The following MAD1L1 variants were observed in gnomAD, a reference collection of about 807,000 sequenced individuals.
MAD1L1 encodes the protein mitotic spindle assembly checkpoint protein MAD1.
In MAD1L1, 95 loss-of-function variants were observed where a neutral mutation model predicts 96.9. The observed-to-expected ratio is 0.98, with a 90% CI of 0.83 to 1.16. MAD1L1 has a LOEUF of 1.16. Among genes scored for constraint, MAD1L1 ranks in the 50% most tolerant of loss-of-function variants. The pLI is 0.00. For missense variants in MAD1L1, 1,007 were observed against 954.4 expected (o/e 1.06, Z -0.73); for synonymous variants, 473 against 396.6 (o/e 1.19, Z -2.29).
rs1787553358 is a variant in MAD1L1, at chr7:2,114,430, C to A, written c.1073+34722G>T. Among the ~76,000 whole-genome samples, 1 of 152,206 alleles carries A rather than the reference C, an allele frequency of 6.6e-6. No individual in the cohort carries two copies. Among genetic ancestry groups the A allele is most frequent in the African/African-American group, 2.4e-5 (1 of 41,450 alleles). On this transcript the variant is annotated intron_variant, in intron 11 of 18. Coordinates refer to ENST00000265854, the MANE Select transcript of MAD1L1 (RefSeq NM_001013836.2). The surrounding 1 kb of genome is among the most constrained non-coding windows in gnomAD (Gnocchi z 4.2). The stretch of plus-strand genomic sequence containing the variant: ...GAGGACGCCATCCTCCTTAAGGCCA[C>A]AAAGTGTATGGTCCTAGGGCATCTT...
intron 16 of MAD1L1, among the ~76,000 whole-genome samples, chr7:1,939,918 T>C (rs1185307126): frequency 6.6e-6 from 1 of 152,312 alleles, no homozygotes; most frequent in Non-Finnish European, 1.5e-5. Context: ...GAGCCCAGAA[T>C]GTGCCTCCAA....
At chr7:2,029,624 G>C (rs886650552) in intron 12 of MAD1L1, among the ~76,000 whole-genome samples, 1 of 152,076 alleles carries the variant, frequency 6.6e-6, no homozygotes, top group Admixed American at 6.5e-5. Flanking sequence ...GGCTGTGGTT[G>C]TAAGTCCCAT....
intron 16 of MAD1L1, among the ~76,000 whole-genome samples, chr7:1,942,226 C>G (rs1220132958): frequency 6.6e-6 from 1 of 152,316 alleles, no homozygotes; most frequent in East Asian, 1.9e-4. Context: ...CACAGAGGAG[C>G]CTCCTGGGCC....
intron 12 of MAD1L1, among the ~76,000 whole-genome samples, chr7:2,015,435 G>C (rs1782492627): frequency 6.6e-6 from 1 of 152,210 alleles, no homozygotes; most frequent in African/African-American, 2.4e-5. Flanking sequence ...CCCCTGCTCA[G>C]TTGTGTCCTG....
rs73671913 is a variant in MAD1L1 at position 1,922,910 on chromosome 7, T to C, written c.1807+13777A>G. On this transcript the variant is annotated intron_variant, in intron 17 of 18. Coordinates refer to ENST00000265854, the MANE Select transcript of MAD1L1 (RefSeq NM_001013836.2). Reference sequence around the variant, plus strand: ...CCTTTTGGCGAGCTGACGCGATGGATTGTACCAGCTGACGCTCGACACCAA... The same window carrying C: ...CCTTTTGGCGAGCTGACGCGATGGACTGTACCAGCTGACGCTCGACACCAA... Among the ~76,000 whole-genome samples, 587 of 152,340 alleles carry C rather than the reference T, an allele frequency of 3.9e-3. 8 individuals carry two copies. Among genetic ancestry groups the C allele is most frequent in the African/African-American group, 0.013 (532 of 41,568 alleles).
At chr7:2,093,082 A>AT (rs559345338) in intron 11 of MAD1L1, among the ~76,000 whole-genome samples, 75 of 151,830 alleles carry the variant, frequency 4.9e-4, no homozygotes, top group African/African-American at 1.1e-3. Flanking sequence ...CAAAAAAAAA[A>AT]ATATATACAA....
chr7:2,155,070 G>A (rs1789759561), intron 10 of MAD1L1, among the ~76,000 whole-genome samples: 2 of 152,194 alleles, frequency 1.3e-5, no homozygotes, highest in African/African-American at 4.8e-5. Context: ...CAGCACGGGA[G>A]CCGGAGAGCC....
At chr7:2,048,608 G>A (rs1784036481) in intron 12 of MAD1L1, among the ~76,000 whole-genome samples, 1 of 152,206 alleles carries the variant, frequency 6.6e-6, no homozygotes, top group Non-Finnish European at 1.5e-5. Context: ...AGGCAGGTGG[G>A]TCAGCCAGGA....
intron 16 of MAD1L1, among the ~76,000 whole-genome samples, chr7:1,941,634 A>G (rs1394619826): frequency 6.6e-6 from 1 of 152,170 alleles, no homozygotes; most frequent in African/African-American, 2.4e-5. Flanking sequence ...CGCATGCACC[A>G]CCAGGTCCTG....
intron 9 of MAD1L1, among the ~76,000 whole-genome samples, chr7:2,214,472 G>A (rs774242282): frequency 6.6e-5 from 10 of 152,106 alleles, no homozygotes; most frequent in Non-Finnish European, 8.8e-5. Flanking sequence ...GGACAGAGAC[G>A]CCACGCCACC....
At chr7:2,200,251 C>G (rs1338366025) in intron 10 of MAD1L1, 3 of 152,514 alleles carry the variant, frequency 2.0e-5, no homozygotes, top group Non-Finnish European at 2.9e-5. Context: ...AGGGTGGACA[C>G]TTGCGTTCAC....
At chr7:2,208,508 T>C (rs1792715096) in intron 10 of MAD1L1, among the ~76,000 whole-genome samples, 1 of 152,162 alleles carries the variant, frequency 6.6e-6, no homozygotes, top group Non-Finnish European at 1.5e-5. Flanking sequence ...GTCCACCTTG[T>C]ATTATATCAG....
At chr7:1,980,331 C>T (rs1780837105) in intron 15 of MAD1L1, 122 bp downstream of exon 15, 3 of 788,360 alleles carry the variant, frequency 3.8e-6, no homozygotes, top group Non-Finnish European at 4.1e-6. Context: ...GTATCCGCCT[C>T]CTCCCCCACA....
chr7:1,889,459 C>T (rs1484623600), intron 18 of MAD1L1, among the ~76,000 whole-genome samples: 1 of 152,234 alleles, frequency 6.6e-6, no homozygotes, highest in African/African-American at 2.4e-5. Context: ...GGACCCTAGG[C>T]CAGGCCCAGC....
intron 11 of MAD1L1, among the ~76,000 whole-genome samples, chr7:2,124,263 G>A (rs989837293): frequency 3.9e-5 from 6 of 152,192 alleles, no homozygotes; most frequent in Non-Finnish European, 8.8e-5. Flanking sequence ...ACCCAGACAG[G>A]CCTCTTCCAA....
intron 18 of MAD1L1, among the ~76,000 whole-genome samples, chr7:1,894,544 C>T (rs1165452223): frequency 3.3e-5 from 5 of 152,242 alleles, no homozygotes; most frequent in Non-Finnish European, 7.3e-5. Flanking sequence ...GCCACAGTTA[C>T]TTCTACTCCA....
chr7:1,914,645 A>C (rs996355954), intron 17 of MAD1L1, among the ~76,000 whole-genome samples: 1 of 152,142 alleles, frequency 6.6e-6, no homozygotes, highest in African/African-American at 2.4e-5. Context: ...ACGAGGTCTC[A>C]CTATGTTGCC....
chr7:1,913,694 G>A (rs1427356213), intron 17 of MAD1L1, among the ~76,000 whole-genome samples: 2 of 152,094 alleles, frequency 1.3e-5, no homozygotes, highest in Non-Finnish European at 2.9e-5. Flanking sequence ...AGCCCCCAGT[G>A]GCCTCTCCCC....
chr7:1,851,423 C>T (rs554694147), intron 18 of MAD1L1, among the ~76,000 whole-genome samples: 12 of 152,298 alleles, frequency 7.9e-5, no homozygotes, highest in East Asian at 5.8e-4. Flanking sequence ...GCTCAGACCT[C>T]GAACGTGCCA....
Sources: allele counts gnomAD v4.1 joint callset (sites outside exome capture counted in the v4.1 genomes callset), GRCh38; gene constraint gnomAD v4.1.1; non-coding constraint Gnocchi (gnomAD v3.1); transcripts MANE v1.5; gene names NCBI Gene and HGNC (gene_info 2026-07-23, HGNC 2026-07-21).